Variants in CDKN2B-AS1 observed in about 807,000 individuals in gnomAD.
The protein encoded by CDKN2B-AS1 is CDKN2B and CDKN2A antisense cis and trans regulatory RNA 1.
chr9:22,102,580 TG>T (rs1378769614), intron 4 of CDKN2B-AS1, among the ~76,000 whole-genome samples: 1 of 152,136 alleles, frequency 6.6e-6, no homozygotes, highest in Non-Finnish European at 1.5e-5. Flanking sequence ...GGCTTGTGGC[TG>T]TATCACTCCA....
chr9:22,104,931 A>C (rs1003651125), intron 4 of CDKN2B-AS1, among the ~76,000 whole-genome samples: 4 of 152,204 alleles, frequency 2.6e-5, no homozygotes, highest in Admixed American at 2.6e-4. Flanking sequence ...TCCACAGTAC[A>C]TCTAAGATAG....
chr9:22,025,426 G>A (rs1040197502), intron 1 of CDKN2B-AS1, among the ~76,000 whole-genome samples: 3 of 152,156 alleles, frequency 2.0e-5, no homozygotes, highest in Non-Finnish European at 4.4e-5. Context: ...GAGGCTTTCA[G>A]TTGTCCGTGG....
rs554418732 is a variant in CDKN2B-AS1 at position 22,027,634 on chromosome 9, A to G, written n.30-19117A>G. On this transcript the variant is annotated intron_variant and non_coding_transcript_variant, in intron 1 of 4. Transcript: ENST00000650946. ...GTACAGTTCTATGTTGATTTATCCAATTTATCAAATAGCCATTCAGCAAAT... is the reference window on the plus strand; with the variant it reads ...GTACAGTTCTATGTTGATTTATCCAGTTTATCAAATAGCCATTCAGCAAAT... Among the ~76,000 whole-genome samples, 4 of 152,282 alleles carry G rather than the reference A, an allele frequency of 2.6e-5. No individual in the cohort carries two copies. In the East Asian group the frequency reaches 7.7e-4, roughly 29 times the overall value.
intron 1 of CDKN2B-AS1, among the ~76,000 whole-genome samples, chr9:22,018,962 T>C (rs1051987474): frequency 6.6e-6 from 1 of 152,138 alleles, no homozygotes; most frequent in East Asian, 1.9e-4. Context: ...TCAAGAGATA[T>C]TTGAGTTGAG....
chr9:22,017,620 C>A (rs1821829471), intron 1 of CDKN2B-AS1, among the ~76,000 whole-genome samples: 1 of 152,204 alleles, frequency 6.6e-6, no homozygotes, highest in South Asian at 2.1e-4. Flanking sequence ...ATTATGTCAA[C>A]ATTGGCTTGT....
At chr9:22,124,822 T>A (rs528944300) in intron 4 of CDKN2B-AS1, among the ~76,000 whole-genome samples, 1 of 152,350 alleles carries the variant, frequency 6.6e-6, no homozygotes, top group South Asian at 2.1e-4. Flanking sequence ...AGGTGTTTTA[T>A]GACCACAGGC....
rs1169343277 is a variant in CDKN2B-AS1 at position 22,021,132 on chromosome 9, A to G, written n.30-25619A>G. 5.9e-5 allele frequency among the ~76,000 whole-genome samples: 9 copies of G among 152,294 alleles called. No individual in the cohort carries two copies. The East Asian group carries it at 1.7e-3, about 29-fold the overall frequency. On this transcript the variant is annotated intron_variant and non_coding_transcript_variant, in intron 1 of 4. Coordinates refer to ENST00000650946, the Ensembl canonical transcript of CDKN2B-AS1. ...CCCAGCACCATTTATTGAATAGGGAATCTGTTCTCCATTGCTTGTTTTTGT... is the reference window on the plus strand; with the variant it reads ...CCCAGCACCATTTATTGAATAGGGAGTCTGTTCTCCATTGCTTGTTTTTGT...
rs2069426 is a variant in CDKN2B-AS1, at chr9:22,006,274, G to T, written n.29+11113G>T. 136,533 of 1,600,488 alleles carry T rather than the reference G, an allele frequency of 0.085. 6,023 individuals carry two copies. Among genetic ancestry groups the T allele is most frequent in the African/African-American group, 0.097 (7,249 of 75,028 alleles). ...TGCCAGAGAGAGCAGAGTGGTCAGAGCCAGGGTGGGGGCAGGTATGGGAGA... is the reference window on the plus strand; with the variant it reads ...TGCCAGAGAGAGCAGAGTGGTCAGATCCAGGGTGGGGGCAGGTATGGGAGA... On this transcript the variant is annotated intron_variant and non_coding_transcript_variant, in intron 1 of 4. Coordinates refer to ENST00000650946, the Ensembl canonical transcript of CDKN2B-AS1. This position sits in a 1 kb window ranked among gnomAD's most constrained non-coding sequence, Gnocchi z 6.4.
In CDKN2B-AS1 at chr9:22,122,640, C is replaced by T. The variant is rs368370349; in HGVS notation, n.439-4463C>T. ...GATATCCAGTTTTCCCAGCACCATT[C>T]GTTGAGGAGACTGTCCTTTACCCAC... On this transcript the variant is annotated intron_variant and non_coding_transcript_variant, in intron 4 of 4. Transcript: ENST00000650946. Among the ~76,000 whole-genome samples, 16 of 152,170 alleles carry T rather than the reference C, an allele frequency of 1.1e-4. No individual in the cohort carries two copies. The South Asian group carries it at 1.7e-3, about 16-fold the overall frequency.
In CDKN2B-AS1 at chr9:22,000,700, C is replaced by T. The variant is rs571661283; in HGVS notation, n.29+5539C>T. Among the ~76,000 whole-genome samples the T allele has an allele frequency of 2.0e-5, 3 of 152,252 alleles. No homozygotes were observed. The highest frequency in any genetic ancestry group is 1.9e-4 in the East Asian group (1 of 5,190). The stretch of plus-strand genomic sequence containing the variant: ...TCTGTGGGTTTTTGAACAGAATAAA[C>T]TGTTTCTTCTTTTATGTTTGTGTAT... On this transcript the variant is annotated intron_variant and non_coding_transcript_variant, in intron 1 of 4. Coordinates refer to ENST00000650946, the Ensembl canonical transcript of CDKN2B-AS1. The surrounding 1 kb of genome is among the most constrained non-coding windows in gnomAD (Gnocchi z 4.1).
chr9:22,125,245 T>C (rs1817998031), intron 4 of CDKN2B-AS1, among the ~76,000 whole-genome samples: 1 of 152,228 alleles, frequency 6.6e-6, no homozygotes, highest in African/African-American at 2.4e-5. Context: ...AAGAATGGGC[T>C]GCTGACTCTG....
At chr9:22,012,851 C>T (rs186490752) in intron 1 of CDKN2B-AS1, among the ~76,000 whole-genome samples, 1 of 152,088 alleles carries the variant, frequency 6.6e-6, no homozygotes, top group Non-Finnish European at 1.5e-5. Context: ...TTTATTGCTC[C>T]GTGATCCACA....
At chr9:22,056,083 C>T (rs1316652804) in intron 3 of CDKN2B-AS1, among the ~76,000 whole-genome samples, 1 of 143,816 alleles carries the variant, frequency 7.0e-6, no homozygotes, top group Non-Finnish European at 1.5e-5. Flanking sequence ...CTTGCAGTGT[C>T]GTCTGGGCTG....
rs1323855757 is a variant in CDKN2B-AS1 at position 22,004,486 on chromosome 9, T to C, written n.29+9325T>C. On this transcript the variant is annotated intron_variant and non_coding_transcript_variant, in intron 1 of 4. Coordinates refer to ENST00000650946, the Ensembl canonical transcript of CDKN2B-AS1. The stretch of plus-strand genomic sequence containing the variant: ...AAACATTGAGAGAAGGGAACCCCTG[T>C]GAACCTTTAACATTTCTCAGGAGTT... The C allele has an allele frequency of 1.3e-5, 3 of 232,552 alleles. No individual in the cohort carries two copies. The Admixed American group carries it at 1.7e-4, about 13-fold the overall frequency. The allele number at this position is 232,552 out of a possible 1,614,324, so 14.4% of individuals were successfully genotyped here. A position where few individuals can be genotyped will look rare whatever the true frequency, so the allele number is the denominator to read the frequency against.
At position 22,125,504 on chromosome 9, in the gene CDKN2B-AS1, G is replaced by C. The variant is rs1333049; in HGVS notation, n.439-1599G>C. Among the ~76,000 whole-genome samples the C allele has an allele frequency of 0.42, 63,553 of 152,018 alleles. 14,200 individuals are homozygous for C. The highest frequency in any genetic ancestry group is 0.55 in the Middle Eastern group (161 of 292). ...CATACTAACCATATGATCAACAGTT[G>C]AAAAGCAGCCACTCGCAGAGGTAAG... On this transcript the variant is annotated intron_variant and non_coding_transcript_variant, in intron 4 of 4. Transcript: ENST00000650946.
chr9:22,037,012 C>T (rs1299308951), intron 1 of CDKN2B-AS1, among the ~76,000 whole-genome samples: 2 of 152,066 alleles, frequency 1.3e-5, no homozygotes, highest in Middle Eastern at 3.2e-3. Flanking sequence ...TCTCCCTTTA[C>T]CACCCTCATA....
At chr9:22,082,354 T>C (rs1003384687) in intron 4 of CDKN2B-AS1, among the ~76,000 whole-genome samples, 1 of 152,238 alleles carries the variant, frequency 6.6e-6, no homozygotes, top group African/African-American at 2.4e-5. Flanking sequence ...TAAAGTGTGC[T>C]AGTGGCTCAC....
rs1563912738 is a variant in CDKN2B-AS1 at position 22,005,111 on chromosome 9, C to CGT, written n.29+9950_29+9951insGT. ...TCATAAGGGGATTTCCGCATCCTAGCATGTGTGTGTGTGTGTGTGTGTGTG... is the reference window on the plus strand; with the variant it reads ...TCATAAGGGGATTTCCGCATCCTAGCGTATGTGTGTGTGTGTGTGTGTGTGTG... On this transcript the variant is annotated intron_variant and non_coding_transcript_variant, in intron 1 of 4. Coordinates refer to ENST00000650946, the Ensembl canonical transcript of CDKN2B-AS1. The surrounding 1 kb of genome is among the most constrained non-coding windows in gnomAD (Gnocchi z 4.9). The CGT allele has an allele frequency of 1.5e-4, 24 of 159,560 alleles. No individual in the cohort carries two copies. The highest frequency in any genetic ancestry group is 9.7e-4 in the Admixed American group (11 of 11,352). The allele number at this position is 159,560 out of a possible 1,614,324, so 9.9% of individuals were successfully genotyped here. A position where few individuals can be genotyped will look rare whatever the true frequency, so the allele number is the denominator to read the frequency against.
intron 4 of CDKN2B-AS1, among the ~76,000 whole-genome samples, chr9:22,079,744 A>G (rs1824631622): frequency 6.6e-6 from 1 of 151,986 alleles, no homozygotes; most frequent in Admixed American, 6.6e-5. Context: ...TGATTCCTTC[A>G]CCATCCTTGA....
Sources: gnomAD v4.1 joint callset for allele counts (sites outside exome capture counted in the v4.1 genomes callset) on GRCh38, gnomAD v4.1.1 for gene constraint, Gnocchi (gnomAD v3.1) non-coding constraint, MANE v1.5 for transcripts, NCBI Gene and HGNC (gene_info 2026-07-23, HGNC 2026-07-21) for gene names.